The following DHRSX variants were observed in gnomAD, a reference collection of about 807,000 sequenced individuals.
The protein encoded by DHRSX is polyprenol dehydrogenase.
Under a neutral mutation model 34.0 loss-of-function variants are expected in DHRSX, and 31 were observed. That is an observed-to-expected ratio of 0.91 (90% CI 0.69 to 1.23). The LOEUF is 1.23. Ranked by LOEUF, DHRSX falls within the 50% of genes most tolerant of loss-of-function variation. DHRSX has a pLI of 0.00. For synonymous variants in DHRSX, 201 were observed against 183.8 expected, an observed-to-expected ratio of 1.09 and a Z score of -0.76; for missense variants, 414 against 428.1, an observed-to-expected ratio of 0.97 and a Z score of 0.29.
At chrX:2,360,381 A>C (rs191094539) in intron 3 of DHRSX, among the ~76,000 whole-genome samples, 2 of 152,074 alleles carry the variant, frequency 1.3e-5, no homozygotes, top group East Asian at 1.9e-4. Context: ...GCAGGAGTTC[A>C]AGACCAGCCT....
intron 3 of DHRSX, among the ~76,000 whole-genome samples, chrX:2,396,938 G>C (rs897702165): frequency 1.3e-5 from 2 of 152,118 alleles, no homozygotes; most frequent in East Asian, 3.9e-4. Context: ...GCAGAATACA[G>C]AGGCATTTGA....
chrX:2,441,768 T>G (rs1411885383), intron 1 of DHRSX, among the ~76,000 whole-genome samples: 18 of 152,112 alleles, frequency 1.2e-4, no homozygotes, highest in Non-Finnish European at 2.4e-4. Context: ...GAATATAAAT[T>G]GTTCTACCAT....
At chrX:2,496,881 T>A (rs2045299314) in intron 1 of DHRSX, among the ~76,000 whole-genome samples, 1 of 148,778 alleles carries the variant, frequency 6.7e-6, no homozygotes, top group Non-Finnish European at 1.5e-5. Context: ...ATTCTAAAAA[T>A]ATATATATTT....
Position 2,438,816 on chromosome X carries a change from C to T in DHRSX, c.110-13512G>A, listed in dbSNP as rs181417839. 2.4e-3 allele frequency among the ~76,000 whole-genome samples: 368 copies of T among 151,798 alleles called. 1 individual carries two copies. The highest frequency in any genetic ancestry group is 3.6e-3 in the Non-Finnish European group (243 of 67,936). On this transcript the variant is annotated intron_variant, in intron 1 of 6. Coordinates refer to ENST00000334651, the MANE Select transcript of DHRSX (RefSeq NM_145177.3). ...GTATACACATACATATATATGCATTCGTCTTAAAGTAAGATTGACAGCAAA... is the reference window on the plus strand; with the variant it reads ...GTATACACATACATATATATGCATTTGTCTTAAAGTAAGATTGACAGCAAA...
intron 1 of DHRSX, among the ~76,000 whole-genome samples, chrX:2,432,995 G>A (rs934839376): frequency 1.2e-4 from 19 of 152,030 alleles, no homozygotes; most frequent in Admixed American, 9.8e-4. Context: ...GTGGCGGTGC[G>A]TGCCTGTAGT....
At chrX:2,317,150 C>G (rs901362713) in intron 3 of DHRSX, among the ~76,000 whole-genome samples, 3 of 151,904 alleles carry the variant, frequency 2.0e-5, no homozygotes, top group African/African-American at 4.8e-5. Context: ...TAGAGATGGG[C>G]TTTCACCACG....
chrX:2,405,598 T>C (rs767248929), intron 3 of DHRSX, among the ~76,000 whole-genome samples: 20 of 151,878 alleles, frequency 1.3e-4, no homozygotes, highest in African/African-American at 4.8e-4. Flanking sequence ...TTGAACCCAG[T>C]AGTTCAAGAT....
At chrX:2,343,992 G>C (rs1030275331) in intron 3 of DHRSX, among the ~76,000 whole-genome samples, 10 of 152,114 alleles carry the variant, frequency 6.6e-5, no homozygotes, top group African/African-American at 2.4e-4. Context: ...GAAGTCCTAA[G>C]GAGAATTGCC....
intron 6 of DHRSX, among the ~76,000 whole-genome samples, chrX:2,235,299 G>T (rs993909834): frequency 1.9e-4 from 29 of 152,180 alleles, no homozygotes; most frequent in African/African-American, 6.8e-4. Flanking sequence ...TTGGCAGGAG[G>T]TGGAGGATGA....
At chrX:2,311,030 C>T (rs1325457070) in intron 3 of DHRSX, among the ~76,000 whole-genome samples, 1 of 148,120 alleles carries the variant, frequency 6.8e-6, no homozygotes, top group Non-Finnish European at 1.5e-5. Flanking sequence ...CATTGCACCC[C>T]AGACTGAATG....
chrX:2,362,683 G>T (rs1024165942), intron 3 of DHRSX, among the ~76,000 whole-genome samples: 1 of 152,116 alleles, frequency 6.6e-6, no homozygotes, highest in Non-Finnish European at 1.5e-5. Flanking sequence ...CCAACCACAG[G>T]TGCTCCCATT....
chrX:2,342,903 T>C (rs1007825650), intron 3 of DHRSX, among the ~76,000 whole-genome samples: 5 of 152,056 alleles, frequency 3.3e-5, no homozygotes, highest in African/African-American at 7.2e-5. Flanking sequence ...GCACAGGAGA[T>C]ACAAAATCAA....
At chrX:2,487,015 C>G (rs1227057260) in intron 1 of DHRSX, 1 of 152,200 alleles carries the variant, frequency 6.6e-6, no homozygotes, top group Non-Finnish European at 1.5e-5. Context: ...CCCAGCCCAG[C>G]TTGTCTTCAC....
chrX:2,480,879 T>C (rs765135518), intron 1 of DHRSX, among the ~76,000 whole-genome samples: 22 of 152,254 alleles, frequency 1.4e-4, no homozygotes, highest in African/African-American at 4.3e-4. Flanking sequence ...AATTCAAAGT[T>C]CTACCACACC....
chrX:2,465,388 C>T (rs1024607717), intron 1 of DHRSX, among the ~76,000 whole-genome samples: 4 of 152,154 alleles, frequency 2.6e-5, no homozygotes, highest in African/African-American at 9.7e-5. Context: ...CTCCCCATCC[C>T]TCCTCAATCA....
intron 2 of DHRSX, among the ~76,000 whole-genome samples, chrX:2,418,617 T>A (rs1264345136): frequency 6.6e-6 from 1 of 152,194 alleles, no homozygotes; most frequent in South Asian, 2.1e-4. Context: ...TAACCAGTAA[T>A]GGATGTGAGC....
At chrX:2,417,162 G>A (rs1277900582) in intron 2 of DHRSX, among the ~76,000 whole-genome samples, 3 of 152,168 alleles carry the variant, frequency 2.0e-5, no homozygotes, top group Admixed American at 2.0e-4. Context: ...CAGATGTGGT[G>A]TTTACTTTCT....
chrX:2,413,463 A>C (rs1393109420), intron 2 of DHRSX, among the ~76,000 whole-genome samples: 1 of 152,200 alleles, frequency 6.6e-6, no homozygotes, highest in African/African-American at 2.4e-5. Flanking sequence ...AGAAACATGT[A>C]AGGTAATGGA....
At chrX:2,333,921 TAAG>T (rs2042516308) in intron 3 of DHRSX, among the ~76,000 whole-genome samples, 1 of 152,128 alleles carries the variant, frequency 6.6e-6, no homozygotes, top group Admixed American at 6.6e-5. Flanking sequence ...CAAAAAATAA[TAAG>T]ATCTTGTTCT....
Sources: allele counts gnomAD v4.1 joint callset (sites outside exome capture counted in the v4.1 genomes callset), GRCh38; gene constraint gnomAD v4.1.1; transcripts MANE v1.5; gene names NCBI Gene and HGNC (gene_info 2026-07-23, HGNC 2026-07-21).